ZNF407: variants seen among roughly 807,000 people sequenced by gnomAD.
ZNF407 encodes the protein zinc finger protein 407.
In ZNF407, 17 loss-of-function variants were observed where a neutral mutation model predicts 131.2. The ratio of observed to expected loss-of-function variants is 0.13; its 90% CI spans 0.09 to 0.19. ZNF407 has a LOEUF of 0.19. Among genes scored for constraint, ZNF407 ranks in the 10% least tolerant of loss-of-function variants. The probability of loss-of-function intolerance (pLI) is 1.00; values close to 1 mark genes in which losing one functional copy is unlikely to be tolerated. For missense variants in ZNF407, 2,681 were observed against 2,830.6 expected, an observed-to-expected ratio of 0.95 and a Z score of 1.20; for synonymous variants, 1,156 against 1,062.0, an observed-to-expected ratio of 1.09 and a Z score of -1.72.
At chr18:74,973,515 A>G (rs1052492466) in intron 8 of ZNF407, among the ~76,000 whole-genome samples, 5 of 152,242 alleles carry the variant, frequency 3.3e-5, no homozygotes, top group East Asian at 3.8e-4. Flanking sequence ...GGCGATTACA[A>G]CAAACATCAA....
chr18:74,655,632 A>G (rs1985419835), intron 3 of ZNF407, among the ~76,000 whole-genome samples: 2 of 152,176 alleles, frequency 1.3e-5, no homozygotes, highest in Admixed American at 1.3e-4. Flanking sequence ...GAAAGGGGCT[A>G]AACATTTTCC....
chr18:74,673,308 C>A (rs1467433776), intron 3 of ZNF407, among the ~76,000 whole-genome samples: 1 of 152,142 alleles, frequency 6.6e-6, no homozygotes. Context: ...GGAATCAAGG[C>A]GTCAACAGAG....
chr18:74,622,409 CT>C (rs1983552954), intron 1 of ZNF407, among the ~76,000 whole-genome samples: 1 of 152,226 alleles, frequency 6.6e-6, no homozygotes, highest in Non-Finnish European at 1.5e-5. Context: ...TCGCAGGGGG[CT>C]TGTGGGCAGC....
chr18:74,734,112 T>C (rs1181287275), intron 3 of ZNF407, among the ~76,000 whole-genome samples: 2 of 152,286 alleles, frequency 1.3e-5, no homozygotes, highest in Middle Eastern at 3.4e-3. Context: ...TCTGTGTCAG[T>C]GTTGACAAGT....
At chr18:74,624,395 A>G (rs2144646716) in intron 1 of ZNF407, among the ~76,000 whole-genome samples, 1 of 152,326 alleles carries the variant, frequency 6.6e-6, no homozygotes, top group South Asian at 2.1e-4. Context: ...TTACATCAGC[A>G]TAAACTTTCT....
At chr18:74,929,464 G>A (rs1345742142) in intron 8 of ZNF407, among the ~76,000 whole-genome samples, 2 of 152,164 alleles carry the variant, frequency 1.3e-5, no homozygotes, top group East Asian at 3.9e-4. Context: ...AAATTTTAAG[G>A]GAAAAAATTG....
At chr18:74,994,309 T>C (rs1972753554) in intron 8 of ZNF407, among the ~76,000 whole-genome samples, 1 of 152,076 alleles carries the variant, frequency 6.6e-6, no homozygotes, top group South Asian at 2.1e-4. Flanking sequence ...GAGATAAAAG[T>C]ATAAGAGAGT....
intron 8 of ZNF407, among the ~76,000 whole-genome samples, chr18:75,029,381 G>T (rs1306270074): frequency 6.6e-6 from 1 of 152,172 alleles, no homozygotes; most frequent in East Asian, 1.9e-4. Context: ...GTGCAGTTTT[G>T]TTCCAGAGAG....
chr18:74,832,169 G>A (rs776144068), intron 4 of ZNF407, among the ~76,000 whole-genome samples: 4 of 152,182 alleles, frequency 2.6e-5, no homozygotes, highest in East Asian at 3.9e-4. Context: ...TCTCACAGAC[G>A]AAGATGTTGA....
chr18:74,822,584 G>T (rs529542332), intron 4 of ZNF407, among the ~76,000 whole-genome samples: 1 of 152,164 alleles, frequency 6.6e-6, no homozygotes, highest in African/African-American at 2.4e-5. Flanking sequence ...TAGATGTGTG[G>T]TGTTATTTCT....
intron 8 of ZNF407, among the ~76,000 whole-genome samples, chr18:74,969,556 T>C (rs1051483267): frequency 1.3e-5 from 2 of 152,214 alleles, no homozygotes; most frequent in Non-Finnish European, 2.9e-5. Flanking sequence ...CTGCTGTGGC[T>C]GCCTGAGGGG....
intron 3 of ZNF407, among the ~76,000 whole-genome samples, chr18:74,681,985 T>C (rs1966994056): frequency 6.6e-6 from 1 of 152,208 alleles, no homozygotes; most frequent in Non-Finnish European, 1.5e-5. Context: ...ATCACCGTAG[T>C]TGGTAAAAGT....
At chr18:74,811,845 A>G (rs1010006423) in intron 4 of ZNF407, among the ~76,000 whole-genome samples, 2 of 147,686 alleles carry the variant, frequency 1.4e-5, no homozygotes, top group Non-Finnish European at 3.0e-5. Context: ...GGACACAGGA[A>G]GGGGAACATC....
intron 3 of ZNF407, among the ~76,000 whole-genome samples, chr18:74,692,556 G>A (rs1967250966): frequency 1.3e-5 from 2 of 152,134 alleles, no homozygotes; most frequent in African/African-American, 2.4e-5. Flanking sequence ...CCTTCTCAGA[G>A]TTCCTGCCCT....
At chr18:74,814,930 C>A (rs567490324) in intron 4 of ZNF407, among the ~76,000 whole-genome samples, 1 of 151,256 alleles carries the variant, frequency 6.6e-6, no homozygotes, top group Non-Finnish European at 1.5e-5. Context: ...TTCAAAATAT[C>A]ATATTATATA....
chr18:74,801,187 TA>T (rs1163031003), intron 4 of ZNF407, among the ~76,000 whole-genome samples: 1 of 152,200 alleles, frequency 6.6e-6, no homozygotes, highest in Non-Finnish European at 1.5e-5. Flanking sequence ...AACTAATTTT[TA>T]AATTGTTTTT....
intron 3 of ZNF407, among the ~76,000 whole-genome samples, chr18:74,758,029 T>C (rs2144965543): frequency 6.6e-6 from 1 of 152,328 alleles, no homozygotes; most frequent in South Asian, 2.1e-4. Flanking sequence ...TTGAATCTTA[T>C]GTTTATGTCT....
intron 8 of ZNF407, among the ~76,000 whole-genome samples, chr18:74,986,748 A>C (rs9947488): frequency 0.17 from 25,558 of 152,160 alleles, 2,359 homozygotes; most frequent in Admixed American, 0.28. Context: ...TGGATTGAAA[A>C]ACACACACAA....
intron 3 of ZNF407, among the ~76,000 whole-genome samples, chr18:74,763,095 G>C (rs973498768): frequency 1.4e-5 from 2 of 145,480 alleles, no homozygotes; most frequent in African/African-American, 2.5e-5. Context: ...GCTTGCAATT[G>C]TTAGTCTGTC....
Sources: gnomAD v4.1 joint callset for allele counts (sites outside exome capture counted in the v4.1 genomes callset) on GRCh38, gnomAD v4.1.1 for gene constraint, MANE v1.5 for transcripts, NCBI Gene and HGNC (gene_info 2026-07-23, HGNC 2026-07-21) for gene names.